Variants in TRPM6 observed in about 807,000 individuals in gnomAD.
The protein encoded by TRPM6 is transient receptor potential cation channel subfamily M member 6.
TRPM6 carries 111 observed loss-of-function variants against 247.6 expected under a neutral mutation model. The observed-to-expected ratio is 0.45, with a 90% CI of 0.38 to 0.52. The LOEUF is 0.52. Among genes scored for constraint, TRPM6 ranks in the 20% least tolerant of loss-of-function variants. TRPM6 has a pLI of 0.00. For synonymous variants in TRPM6, 892 were observed against 853.8 expected, an observed-to-expected ratio of 1.04 and a Z score of -0.78; for missense variants, 2,126 against 2,421.5, an observed-to-expected ratio of 0.88 and a Z score of 2.56.
chr9:74,836,678 G>A (rs1168828753), intron 5 of TRPM6, among the ~76,000 whole-genome samples: 1 of 152,074 alleles, frequency 6.6e-6, no homozygotes, highest in Non-Finnish European at 1.5e-5. Flanking sequence ...TTCCTTTCAG[G>A]GCTCCTTGCT....
At chr9:74,863,746 G>A (rs1022260338) in intron 1 of TRPM6, among the ~76,000 whole-genome samples, 6 of 151,824 alleles carry the variant, frequency 4.0e-5, no homozygotes, top group African/African-American at 1.5e-4. Flanking sequence ...CCTACGCCCG[G>A]CTAATTTTTT....
At chr9:74,852,702 G>A (rs1027727028) in intron 3 of TRPM6, among the ~76,000 whole-genome samples, 3 of 152,198 alleles carry the variant, frequency 2.0e-5, no homozygotes, top group South Asian at 2.1e-4. Context: ...AGTGTTGGCC[G>A]GACTTGTCTC....
intron 1 of TRPM6, chr9:74,887,455 C>G: frequency 4.7e-6 from 5 of 1,072,620 alleles, no homozygotes; most frequent in Non-Finnish European, 6.5e-6. Context: ...CCGAACTCCT[C>G]TCCCTCCGGC....
rs985620792 is a variant in TRPM6 at position 74,793,049 on chromosome 9, T to A, written c.2392-279A>T. ...GCACATATCTGCAATCCCAACTACT[T>A]GGGAGGCTGAGCAAAAGAATCGCTT... On this transcript the variant is annotated intron_variant, in intron 18 of 38. Transcript: ENST00000360774. 2.6e-5 allele frequency among the ~76,000 whole-genome samples: 4 copies of A among 152,032 alleles called. No homozygotes were observed. The South Asian group carries it at 8.3e-4, about 32-fold the overall frequency.
intron 3 of TRPM6, among the ~76,000 whole-genome samples, chr9:74,853,946 A>C (rs1489096897): frequency 2.0e-5 from 3 of 152,232 alleles, no homozygotes; most frequent in Admixed American, 2.0e-4. Flanking sequence ...AAGTATAGGA[A>C]ACTTACCCTA....
At chr9:74,846,707 T>C (rs1178500776) in intron 3 of TRPM6, among the ~76,000 whole-genome samples, 3 of 152,018 alleles carry the variant, frequency 2.0e-5, no homozygotes, top group Admixed American at 6.6e-5. Context: ...TCACCACGCC[T>C]GGATAACTTG....
At chr9:74,887,471 G>T in intron 1 of TRPM6, 1 of 993,772 alleles carries the variant, frequency 1.0e-6, no homozygotes, top group Non-Finnish European at 1.4e-6. Flanking sequence ...CCGGCCCGGA[G>T]CGGAATCAGA....
rs141078284 is a variant in TRPM6 at position 74,741,248 on chromosome 9, A to G, written c.5201-1239T>C. 9.5e-3 allele frequency among the ~76,000 whole-genome samples: 1,450 copies of G among 152,190 alleles called. 16 individuals carry two copies. The highest frequency in any genetic ancestry group is 0.033 in the African/African-American group (1,383 of 41,492). ...GTCAGTGTTTAATGTTTCTTAACAG[A>G]GCAACATAATCTATATACAACTTCT... On this transcript the variant is annotated intron_variant, in intron 33 of 38. Transcript: ENST00000360774.
At chr9:74,830,232 A>C (rs970091601) in intron 6 of TRPM6, among the ~76,000 whole-genome samples, 9 of 152,188 alleles carry the variant, frequency 5.9e-5, no homozygotes, top group Non-Finnish European at 1.2e-4. Context: ...CCTCACTAGC[A>C]ATCAGGGAAA....
rs752533050 is a variant in TRPM6 at position 74,788,647 on chromosome 9, G to A, written c.2634C>T (p.Tyr878=). The A allele has an allele frequency of 6.2e-7, 1 of 1,613,942 alleles. No homozygotes were observed. The highest frequency in any genetic ancestry group is 1.1e-5 in the South Asian group (1 of 91,080). Residue 878 remains tyrosine, a synonymous_variant, in exon 20 of 39, where the codon TAC becomes TAT. Transcript: ENST00000360774. ...PSVQEWLVSI[Y]IFTNAIEVVR... is the part of the protein sequence containing the mutation. The stretch of plus-strand genomic sequence containing the variant: ...CCACCTCAATAGCATTGGTGAAGAT[G>A]TAAATGCTAACAAGCCACTCCTGCA...
chr9:74,869,796 G>C (rs879471974), intron 1 of TRPM6, among the ~76,000 whole-genome samples: 12 of 152,158 alleles, frequency 7.9e-5, no homozygotes, highest in Non-Finnish European at 1.8e-4. Context: ...TAGAGATCTC[G>C]GAGAGCGGTG....
At chr9:74,848,271 T>A (rs181136373) in intron 3 of TRPM6, among the ~76,000 whole-genome samples, 7 of 152,148 alleles carry the variant, frequency 4.6e-5, no homozygotes, top group Non-Finnish European at 1.0e-4. Flanking sequence ...ATCACTACTC[T>A]TGCACTTTGG....
intron 1 of TRPM6, among the ~76,000 whole-genome samples, chr9:74,876,303 C>G (rs1033345151): frequency 1.3e-5 from 2 of 152,142 alleles, no homozygotes; most frequent in African/African-American, 4.8e-5. Context: ...AGGCTGGTCT[C>G]AAACTCCTGA....
chr9:74,846,800 C>G (rs1232661190), intron 3 of TRPM6, among the ~76,000 whole-genome samples: 1 of 152,184 alleles, frequency 6.6e-6, no homozygotes, highest in Non-Finnish European at 1.5e-5. Context: ...CCACCCACTT[C>G]GGCCTTCCAA....
rs529084288 is a variant in TRPM6, at chr9:74,842,107, G to A, written c.330+59C>T. 71 of 1,544,016 alleles carry A rather than the reference G, an allele frequency of 4.6e-5. 1 individual carries two copies. Among genetic ancestry groups the A allele is most frequent in the African/African-American group, 4.1e-4 (29 of 71,274 alleles). ...GCCTGGGCAACAAGAGCAAAACCCC[G>A]TCTCGAAAAAAAAAAAAAAAGAAAG... is the stretch of plus-strand genomic sequence containing the variant. On this transcript the variant is annotated intron_variant, in intron 4 of 38. Coordinates refer to ENST00000360774, the MANE Select transcript of TRPM6 (RefSeq NM_017662.5).
At chr9:74,877,950 C>G (rs1468654716) in intron 1 of TRPM6, among the ~76,000 whole-genome samples, 1 of 152,104 alleles carries the variant, frequency 6.6e-6, no homozygotes, top group Admixed American at 6.5e-5. Context: ...CCCACCCTGT[C>G]CAACTCCATC....
In TRPM6 at chr9:74,761,251, G is replaced by A. The variant is rs151056268; in HGVS notation, c.4785+445C>T. ...ACTTACCATATGACTCTGACATTCC[G>A]TTCCTAAGTATTTACCAAGGAGAAA... On this transcript the variant is annotated intron_variant, in intron 27 of 38. Coordinates refer to ENST00000360774, the MANE Select transcript of TRPM6 (RefSeq NM_017662.5). Among the ~76,000 whole-genome samples the A allele has an allele frequency of 4.8e-3, 724 of 152,252 alleles. 5 individuals carry two copies. Among genetic ancestry groups the A allele is most frequent in the African/African-American group, 0.017 (691 of 41,534 alleles).
intron 1 of TRPM6, among the ~76,000 whole-genome samples, chr9:74,873,337 C>G (rs898407217): frequency 6.6e-6 from 1 of 152,164 alleles, no homozygotes; most frequent in South Asian, 2.1e-4. Context: ...ACTATCATGA[C>G]CTAGTTAGAC....
chr9:74,808,166 A>C lies in TRPM6; in HGVS notation c.1506T>G (p.Leu502=), dbSNP rs1828596343. The C allele has an allele frequency of 1.2e-6, 2 of 1,613,870 alleles. No homozygotes were observed. The highest frequency in any genetic ancestry group is 2.7e-5 in the African/African-American group (2 of 74,912). The change falls in exon 14 of 39, where the codon CTT becomes CTG. Residue 502 remains leucine, a synonymous_variant. Coordinates refer to ENST00000360774, the MANE Select transcript of TRPM6 (RefSeq NM_017662.5). ...TCAAGGTTATTCGGTAGCCTGAAAG[A>C]AGGGTATGCTGCAACAAAAACATGC... ...HLVQDVKQHT[L]LSGYRITLID... is the part of the protein sequence containing the mutation.
Sources: allele counts gnomAD v4.1 joint callset (sites outside exome capture counted in the v4.1 genomes callset), GRCh38; gene constraint gnomAD v4.1.1; transcripts MANE v1.5; gene names NCBI Gene and HGNC (gene_info 2026-07-23, HGNC 2026-07-21).